VPS13B: variants seen among roughly 807,000 people sequenced by gnomAD.
VPS13B encodes intermembrane lipid transfer protein VPS13B.
Under a neutral mutation model 426.4 loss-of-function variants are expected in VPS13B, and 285 were observed. The observed-to-expected ratio is 0.67, with a 90% CI of 0.61 to 0.74. VPS13B has a LOEUF of 0.74. Among genes scored for constraint, VPS13B ranks in the 30% least tolerant of loss-of-function variants. VPS13B has a pLI of 0.00. For missense variants in VPS13B, 4,537 were observed against 4,782.6 expected (o/e 0.95, Z 1.51); for synonymous variants, 1,676 against 1,676.4 (o/e 1.00, Z 0.01).
intron 35 of VPS13B, among the ~76,000 whole-genome samples, chr8:99,669,762 G>C (rs1830631333): frequency 6.6e-6 from 1 of 151,670 alleles, no homozygotes; most frequent in South Asian, 2.1e-4. Context: ...TTTCATCTCT[G>C]GTTTTATTTG....
intron 3 of VPS13B, among the ~76,000 whole-genome samples, chr8:99,053,437 C>G (rs1162990083): frequency 6.6e-5 from 10 of 152,000 alleles, no homozygotes; most frequent in Non-Finnish European, 1.5e-4. Context: ...ATGATGGTTT[C>G]CTGGTTCATC....
chr8:99,169,463 A>C (rs1812203617), intron 15 of VPS13B, among the ~76,000 whole-genome samples: 1 of 152,004 alleles, frequency 6.6e-6, no homozygotes, highest in African/African-American at 2.4e-5. Context: ...ATGAAGAGTA[A>C]TTTATGCCAT....
At chr8:99,304,664 G>A (rs1248002623) in intron 19 of VPS13B, among the ~76,000 whole-genome samples, 1 of 152,028 alleles carries the variant, frequency 6.6e-6, no homozygotes, top group East Asian at 1.9e-4. Flanking sequence ...TTTACTCCAA[G>A]CCTACACCTT....
chr8:99,226,666 G>C (rs767165721), intron 17 of VPS13B, among the ~76,000 whole-genome samples: 6 of 152,026 alleles, frequency 3.9e-5, no homozygotes, highest in Non-Finnish European at 7.4e-5. Context: ...TATCAATCTT[G>C]CCTAAATTAC....
At chr8:99,233,980 C>G in intron 17 of VPS13B, 1 of 780,276 alleles carries the variant, frequency 1.3e-6, no homozygotes, top group Non-Finnish European at 2.4e-6. Flanking sequence ...GGGACTGGGT[C>G]TGCTCAGTGA....
chr8:99,163,308 A>G (rs1811782029), intron 15 of VPS13B, among the ~76,000 whole-genome samples: 1 of 152,234 alleles, frequency 6.6e-6, no homozygotes, highest in East Asian at 1.9e-4. Flanking sequence ...CCACATCCCC[A>G]CCAGACTCAG....
chr8:99,075,731 C>A (rs1293690071), intron 3 of VPS13B, among the ~76,000 whole-genome samples: 3 of 152,070 alleles, frequency 2.0e-5, no homozygotes, highest in African/African-American at 7.2e-5. Flanking sequence ...TGTAATGTCG[C>A]CATTTTGTTT....
At chr8:99,024,534 A>T (rs746990554) in intron 2 of VPS13B, among the ~76,000 whole-genome samples, 1 of 152,128 alleles carries the variant, frequency 6.6e-6, no homozygotes, top group Admixed American at 6.5e-5. Flanking sequence ...TCCAGTTTTC[A>T]TGGCACCATT....
intron 17 of VPS13B, among the ~76,000 whole-genome samples, chr8:99,193,612 C>G (rs1375771423): frequency 6.6e-6 from 1 of 152,016 alleles, no homozygotes; most frequent in African/African-American, 2.4e-5. Flanking sequence ...AAAGTTGTTT[C>G]AGTTCAAAAT....
At chr8:99,608,708 A>G (rs1460248509) in intron 33 of VPS13B, among the ~76,000 whole-genome samples, 8 of 152,044 alleles carry the variant, frequency 5.3e-5, no homozygotes, top group Non-Finnish European at 1.0e-4. Flanking sequence ...TTCTCTATCT[A>G]TTTGCCTATT....
chr8:99,398,624 A>T (rs1275202479), intron 21 of VPS13B, among the ~76,000 whole-genome samples: 1 of 152,186 alleles, frequency 6.6e-6, no homozygotes, highest in Non-Finnish European at 1.5e-5. Flanking sequence ...GATACCACAA[A>T]GGCTGAGGAT....
chr8:99,134,066 A>G (rs919138385), intron 8 of VPS13B, among the ~76,000 whole-genome samples: 1 of 152,326 alleles, frequency 6.6e-6, no homozygotes, highest in Non-Finnish European at 1.5e-5. Context: ...CTTCTTATCT[A>G]GCTGGCTTTC....
intron 21 of VPS13B, among the ~76,000 whole-genome samples, chr8:99,410,018 A>G (rs1407985766): frequency 1.3e-5 from 2 of 152,194 alleles, no homozygotes; most frequent in Non-Finnish European, 2.9e-5. Flanking sequence ...ACATGAGACT[A>G]AAAAGGTGGG....
At chr8:99,495,055 C>T (rs905348868) in intron 25 of VPS13B, among the ~76,000 whole-genome samples, 1 of 152,068 alleles carries the variant, frequency 6.6e-6, no homozygotes, top group Non-Finnish European at 1.5e-5. Flanking sequence ...TATATTGTTT[C>T]AGTGCCATAC....
At chr8:99,248,408 G>GT (rs1312238610) in intron 17 of VPS13B, among the ~76,000 whole-genome samples, 3 of 151,928 alleles carry the variant, frequency 2.0e-5, no homozygotes, top group Admixed American at 6.6e-5. Context: ...TTTCTTGGTA[G>GT]TTTTTTTCAG....
intron 25 of VPS13B, among the ~76,000 whole-genome samples, chr8:99,484,618 GTCA>G (rs996407543): frequency 8.5e-5 from 13 of 152,054 alleles, no homozygotes; most frequent in Non-Finnish European, 1.8e-4. Flanking sequence ...GTTTTCTTAT[GTCA>G]TCATTTACTG....
In VPS13B at chr8:99,502,847, G is replaced by A. The variant is rs1821315992; in HGVS notation, c.4054G>A (p.Val1352Ile). 6.2e-7 allele frequency: 1 copy of A among 1,612,062 alleles called. No individual in the cohort carries two copies. Among genetic ancestry groups the A allele is most frequent in the Non-Finnish European group, 8.5e-7 (1 of 1,178,382 alleles). ...PENKGTEVCM[V>I]SELEDLSASI... The stretch of plus-strand genomic sequence containing the variant: ...GTTTCTTATTGCAGAGGTTTGTATG[G>A]TCAGTGAACTAGAAGATCTCAGTGC... The change falls in exon 27 of 62, where the codon GTC becomes ATC. Residue 1352 changes from valine (V) to isoleucine (I), a missense_variant. Coordinates refer to ENST00000357162, the MANE Select transcript of VPS13B (RefSeq NM_152564.5).
intron 21 of VPS13B, among the ~76,000 whole-genome samples, chr8:99,406,337 G>T (rs1241088361): frequency 6.6e-6 from 1 of 151,598 alleles, no homozygotes; most frequent in African/African-American, 2.4e-5. Context: ...GAGCAAATAT[G>T]TATTAAATAC....
intron 19 of VPS13B, among the ~76,000 whole-genome samples, chr8:99,369,588 G>A (rs1332988397): frequency 6.6e-6 from 1 of 152,140 alleles, no homozygotes; most frequent in East Asian, 1.9e-4. Flanking sequence ...CTGGGACAAG[G>A]GGAAAGGAAT....
Sources: allele counts gnomAD v4.1 joint callset (sites outside exome capture counted in the v4.1 genomes callset), GRCh38; gene constraint gnomAD v4.1.1; transcripts MANE v1.5; gene names NCBI Gene and HGNC (gene_info 2026-07-23, HGNC 2026-07-21).